Variants in GRAMD1B observed in about 807,000 individuals in gnomAD.
GRAMD1B encodes protein Aster-B.
A neutral mutation model predicts 99.7 loss-of-function variants in GRAMD1B; 37 were observed. The ratio of observed to expected loss-of-function variants is 0.37; its 90% CI spans 0.29 to 0.49. GRAMD1B has a LOEUF of 0.49. Ranked by LOEUF, GRAMD1B falls within the 20% of genes least tolerant of loss-of-function variation. The pLI is 0.98. For synonymous variants in GRAMD1B, 427 were observed against 387.6 expected (o/e 1.10, Z -1.19); for missense variants, 888 against 1,009.2 (o/e 0.88, Z 1.63).
intron 1 of GRAMD1B, among the ~76,000 whole-genome samples, chr11:123,437,551 G>A (rs953866522): frequency 6.6e-6 from 1 of 152,134 alleles, no homozygotes; most frequent in Admixed American, 6.5e-5. Flanking sequence ...TCACCTGGCT[G>A]TTATGTCCCT....
At chr11:123,614,955 A>G (rs932251439) in intron 17 of GRAMD1B, 120 bp downstream of exon 17, 1 of 590,374 alleles carries the variant, frequency 1.7e-6, no homozygotes, top group African/African-American at 1.8e-5. Flanking sequence ...TTTTTGCCTT[A>G]TCCTCTAGTC....
In GRAMD1B at chr11:123,531,985, C is replaced by T. The variant is rs549848478; in HGVS notation, c.453-45382C>T. On this transcript the variant is annotated intron_variant, in intron 2 of 19. Coordinates refer to ENST00000635736, the MANE Select transcript of GRAMD1B (RefSeq NM_001387025.1). The stretch of plus-strand genomic sequence containing the variant: ...CTCCCAACCTCAGGTAATCTGCCCA[C>T]CTCAGCCTCCCAAAGTGCTGGGATT... Among the ~76,000 whole-genome samples, 3 of 152,276 alleles carry T rather than the reference C, an allele frequency of 2.0e-5. No individual in the cohort carries two copies. The East Asian group carries it at 5.8e-4, about 29-fold the overall frequency.
At chr11:123,428,770 G>T (rs1948742816), upstream of GRAMD1B, among the ~76,000 whole-genome samples, 1 of 152,206 alleles carries the variant, frequency 6.6e-6, no homozygotes, top group Non-Finnish European at 1.5e-5. Flanking sequence ...TGTGACTTTT[G>T]TCCTGGCACG....
intron 2 of GRAMD1B, among the ~76,000 whole-genome samples, chr11:123,488,380 C>A (rs1004562220): frequency 2.0e-5 from 3 of 152,114 alleles, no homozygotes; most frequent in African/African-American, 7.2e-5. Context: ...ATGGATACCT[C>A]CCCCCGGAGC....
chr11:123,555,924 G>A (rs1946132948), intron 2 of GRAMD1B, among the ~76,000 whole-genome samples: 1 of 151,800 alleles, frequency 6.6e-6, no homozygotes, highest in Non-Finnish European at 1.5e-5. Context: ...AGTAGAGACA[G>A]GGTTTCACCA....
chr11:123,560,578 C>T (rs1946630217), intron 2 of GRAMD1B: 2 of 642,004 alleles, frequency 3.1e-6, no homozygotes, highest in Non-Finnish European at 5.0e-6. Context: ...CCCCGCCCCC[C>T]ACTGCCCAAT....
chr11:123,599,501 C>T (rs1454878321), intron 7 of GRAMD1B: 1 of 566,168 alleles, frequency 1.8e-6, no homozygotes, highest in Non-Finnish European at 3.4e-6. Flanking sequence ...GAGGCGCAGT[C>T]TCACTCTGTC....
intron 1 of GRAMD1B, among the ~76,000 whole-genome samples, chr11:123,424,717 A>G (rs952579833): frequency 4.6e-5 from 7 of 152,216 alleles, no homozygotes; most frequent in Non-Finnish European, 1.0e-4. Flanking sequence ...ACCTGCTTAG[A>G]CTACCTCTTT....
intron 1 of GRAMD1B, among the ~76,000 whole-genome samples, chr11:123,408,775 A>G (rs1008400007): frequency 2.6e-5 from 4 of 152,242 alleles, no homozygotes; most frequent in African/African-American, 4.8e-5. Flanking sequence ...TTATCTCTAA[A>G]TTGCGCTAAG....
chr11:123,441,254 C>T (rs1949392592), intron 1 of GRAMD1B, among the ~76,000 whole-genome samples: 1 of 152,036 alleles, frequency 6.6e-6, no homozygotes, highest in Non-Finnish European at 1.5e-5. Flanking sequence ...CACTCATTCT[C>T]GAAAGAATGG....
rs1438435323 is a variant in GRAMD1B at position 123,577,617 on chromosome 11, G to A, written c.663+40G>A. ...GTTGAGGCGGTACCTCCTTGTCAGG[G>A]GCTGCGGGGAGCGATATTGGGGTGG... On this transcript the variant is annotated intron_variant, in intron 3 of 19. Transcript: ENST00000635736. 7.5e-6 allele frequency: 11 copies of A among 1,466,354 alleles called. 1 individual carries two copies. The highest frequency in any genetic ancestry group is 4.2e-4 in the Middle Eastern group (2 of 4,796). The allele number at this position is 1,466,354 out of a possible 1,614,324, so 90.8% of individuals were successfully genotyped here. A position where few individuals can be genotyped will look rare whatever the true frequency, so the allele number is the denominator to read the frequency against.
At chr11:123,487,637 C>A (rs1238225614) in intron 2 of GRAMD1B, among the ~76,000 whole-genome samples, 1 of 152,162 alleles carries the variant, frequency 6.6e-6, no homozygotes, top group Non-Finnish European at 1.5e-5. Flanking sequence ...GACAGTCTTG[C>A]TTTGTCACCC....
At chr11:123,420,236 C>T (rs2136019549) in intron 1 of GRAMD1B, among the ~76,000 whole-genome samples, 1 of 152,286 alleles carries the variant, frequency 6.6e-6, no homozygotes, top group South Asian at 2.1e-4. Flanking sequence ...GTCCAAAGTG[C>T]CTGCTTGGAG....
intron 1 of GRAMD1B, among the ~76,000 whole-genome samples, chr11:123,403,540 G>T (rs1018482011): frequency 8.0e-5 from 12 of 150,138 alleles, no homozygotes; most frequent in African/African-American, 2.9e-4. Flanking sequence ...TTAGTTTTTT[G>T]TTTGTTTGTA....
At chr11:123,535,497 G>A (rs1943874761) in intron 2 of GRAMD1B, among the ~76,000 whole-genome samples, 1 of 152,120 alleles carries the variant, frequency 6.6e-6, no homozygotes, top group Non-Finnish European at 1.5e-5. Context: ...TCACAATTGA[G>A]AGAAGGTTTG....
At chr11:123,496,452 A>G (rs139263595) in intron 2 of GRAMD1B, among the ~76,000 whole-genome samples, 33 of 151,850 alleles carry the variant, frequency 2.2e-4, no homozygotes, top group Non-Finnish European at 3.8e-4. Context: ...CTTTGGGTTA[A>G]CTCTGCTTGG....
At chr11:123,579,396 T>C (rs1181086367) in intron 3 of GRAMD1B, among the ~76,000 whole-genome samples, 1 of 152,216 alleles carries the variant, frequency 6.6e-6, no homozygotes, top group Non-Finnish European at 1.5e-5. Context: ...AATCCTGTAG[T>C]CTGTGATCTT....
chr11:123,434,585 C>T (rs1285676882), intron 1 of GRAMD1B, among the ~76,000 whole-genome samples: 1 of 152,134 alleles, frequency 6.6e-6, no homozygotes, highest in Non-Finnish European at 1.5e-5. Flanking sequence ...GCCAGGAGTT[C>T]GAGACCAGCC....
At chr11:123,568,919 A>G (rs189529448) in intron 2 of GRAMD1B, among the ~76,000 whole-genome samples, 37 of 152,310 alleles carry the variant, frequency 2.4e-4, no homozygotes, top group African/African-American at 8.9e-4. Flanking sequence ...AGCAGGTTCC[A>G]TGCGTGGTCA....
Sources: gnomAD v4.1 joint callset for allele counts (sites outside exome capture counted in the v4.1 genomes callset) on GRCh38, gnomAD v4.1.1 for gene constraint, MANE v1.5 for transcripts, NCBI Gene and HGNC (gene_info 2026-07-23, HGNC 2026-07-21) for gene names.